Variants in DLGAP1 observed in about 807,000 individuals in gnomAD.
DLGAP1 encodes disks large-associated protein 1.
A neutral mutation model predicts 90.8 loss-of-function variants in DLGAP1; 11 were observed. The observed-to-expected ratio is 0.12, with a 90% CI of 0.08 to 0.20. The LOEUF (loss-of-function observed/expected upper bound fraction) is 0.20, where lower values mean the gene tolerates loss of function less well. DLGAP1 is among the 10% of genes least tolerant of loss of function. The pLI is 1.00. For missense variants in DLGAP1, 1,050 were observed against 1,333.8 expected (o/e 0.79, Z 3.31); for synonymous variants, 558 against 540.7 (o/e 1.03, Z -0.44).
chr18:3,750,680 C>T (rs1424651706), intron 5 of DLGAP1, among the ~76,000 whole-genome samples: 2 of 152,190 alleles, frequency 1.3e-5, no homozygotes, highest in African/African-American at 4.8e-5. Flanking sequence ...CTTACGGAGG[C>T]TCCTTGGGTG....
rs1440192036 is a variant in DLGAP1 at position 4,449,426 on chromosome 18, TA to T, written c.-267+5579del. On this transcript the variant is annotated intron_variant, in intron 1 of 12. Coordinates refer to ENST00000315677, the MANE Select transcript of DLGAP1 (RefSeq NM_004746.4). The stretch of plus-strand genomic sequence containing the variant: ...CAGTGTTTACCAGGTATTAACAGAG[TA>T]AACTTAGGACCAAAGAACACAGCAT... Among the ~76,000 whole-genome samples, 3 of 152,206 alleles carry T rather than the reference TA, an allele frequency of 2.0e-5. No individual in the cohort carries two copies. The East Asian group carries it at 5.8e-4, about 30-fold the overall frequency.
intron 7 of DLGAP1, among the ~76,000 whole-genome samples, chr18:3,617,219 T>C (rs2057905836): frequency 6.6e-6 from 1 of 152,082 alleles, no homozygotes; most frequent in African/African-American, 2.4e-5. Context: ...CAGAACATTT[T>C]CCCCAAACTA....
intron 3 of DLGAP1, among the ~76,000 whole-genome samples, chr18:3,886,943 G>A (rs913448976): frequency 8.5e-5 from 13 of 152,210 alleles, no homozygotes; most frequent in African/African-American, 3.1e-4. Flanking sequence ...TTCCCATGAG[G>A]TGGAAGTTAC....
intron 10 of DLGAP1, among the ~76,000 whole-genome samples, chr18:3,514,133 GT>G (rs1971545786): frequency 6.8e-6 from 1 of 147,022 alleles, no homozygotes. Context: ...TGAGACAAGA[GT>G]CTCACTCTGT....
chr18:3,746,880 A>T (rs2063292389), intron 5 of DLGAP1, among the ~76,000 whole-genome samples: 1 of 152,234 alleles, frequency 6.6e-6, no homozygotes. Flanking sequence ...GATTGCATCT[A>T]TTCTTAAAGC....
intron 7 of DLGAP1, among the ~76,000 whole-genome samples, chr18:3,720,288 A>C (rs558680634): frequency 8.5e-5 from 13 of 152,366 alleles, no homozygotes; most frequent in Non-Finnish European, 1.5e-4. Context: ...AAACAAAATA[A>C]AAATTCTCTT....
chr18:3,926,833 G>C (rs531253247), intron 3 of DLGAP1, among the ~76,000 whole-genome samples: 2 of 152,100 alleles, frequency 1.3e-5, no homozygotes, highest in African/African-American at 4.8e-5. Flanking sequence ...AAGAGCCTGG[G>C]CATTTTGGAA....
intron 2 of DLGAP1, among the ~76,000 whole-genome samples, chr18:4,069,470 AG>A (rs2075416065): frequency 6.6e-6 from 1 of 152,160 alleles, no homozygotes; most frequent in South Asian, 2.1e-4. Context: ...GGAGGTGATT[AG>A]ATCATGGAGG....
At chr18:4,334,932 C>A (rs2081037044) in intron 1 of DLGAP1, among the ~76,000 whole-genome samples, 1 of 151,944 alleles carries the variant, frequency 6.6e-6, no homozygotes, top group Non-Finnish European at 1.5e-5. Context: ...GAAATCCTAA[C>A]AAGCTTGGTA....
chr18:4,218,794 C>T (rs1228414421), intron 1 of DLGAP1, among the ~76,000 whole-genome samples: 4 of 149,160 alleles, frequency 2.7e-5, no homozygotes, highest in Non-Finnish European at 1.5e-5. Context: ...TGTGTATATA[C>T]TTAAGTGATA....
chr18:4,281,999 T>A (rs2079562874), intron 1 of DLGAP1, among the ~76,000 whole-genome samples: 1 of 152,212 alleles, frequency 6.6e-6, no homozygotes, highest in Non-Finnish European at 1.5e-5. Flanking sequence ...AGAAATATTT[T>A]AAAATGTTTA....
At chr18:4,198,271 A>C (rs1463554610) in intron 1 of DLGAP1, among the ~76,000 whole-genome samples, 1 of 151,962 alleles carries the variant, frequency 6.6e-6, no homozygotes, top group Non-Finnish European at 1.5e-5. Context: ...TAATAAAAAC[A>C]CCTATCATTG....
intron 2 of DLGAP1, among the ~76,000 whole-genome samples, chr18:4,124,232 T>C (rs1165365574): frequency 6.6e-6 from 1 of 152,208 alleles, no homozygotes; most frequent in Non-Finnish European, 1.5e-5. Context: ...TATGAATCTA[T>C]GTTATGTCAA....
chr18:3,846,379 T>C (rs2069015311), intron 4 of DLGAP1, among the ~76,000 whole-genome samples: 1 of 152,178 alleles, frequency 6.6e-6, no homozygotes, highest in Non-Finnish European at 1.5e-5. Flanking sequence ...AAATTATAAT[T>C]AAATGATTGG....
chr18:4,224,818 G>A (rs1400119240), intron 1 of DLGAP1, among the ~76,000 whole-genome samples: 2 of 152,162 alleles, frequency 1.3e-5, no homozygotes, highest in Non-Finnish European at 2.9e-5. Context: ...GTTGCCACCT[G>A]CAGATTGTAG....
At chr18:4,314,512 T>G (rs1441097779) in intron 1 of DLGAP1, among the ~76,000 whole-genome samples, 2 of 152,196 alleles carry the variant, frequency 1.3e-5, no homozygotes, top group African/African-American at 4.8e-5. Context: ...TCTACAACGG[T>G]AATTAAAATA....
chr18:4,424,163 T>C (rs1175265342), intron 1 of DLGAP1, among the ~76,000 whole-genome samples: 1 of 151,888 alleles, frequency 6.6e-6, no homozygotes, highest in African/African-American at 2.4e-5. Context: ...AAAAAAATTT[T>C]TTTAACAATT....
chr18:3,579,215 G>A (rs963758467), intron 8 of DLGAP1, among the ~76,000 whole-genome samples: 3 of 152,036 alleles, frequency 2.0e-5, no homozygotes, highest in African/African-American at 7.2e-5. Context: ...TAGTTAAAAC[G>A]GTCTTTCTTT....
chr18:4,174,833 A>G (rs908551107), intron 1 of DLGAP1, among the ~76,000 whole-genome samples: 12 of 151,546 alleles, frequency 7.9e-5, no homozygotes, highest in Non-Finnish European at 8.8e-5. Flanking sequence ...TCATTGTTCA[A>G]CTCTCACTTA....
Sources: gnomAD v4.1 joint callset for allele counts (sites outside exome capture counted in the v4.1 genomes callset) on GRCh38, gnomAD v4.1.1 for gene constraint, MANE v1.5 for transcripts, NCBI Gene and HGNC (gene_info 2026-07-23, HGNC 2026-07-21) for gene names.